UTY: variants seen among roughly 807,000 people sequenced by gnomAD.
The protein encoded by UTY is histone demethylase UTY.
UTY carries 12 observed loss-of-function variants against 32.5 expected under a neutral mutation model. That is an observed-to-expected ratio of 0.37 (90% CI 0.24 to 0.60). UTY has a LOEUF of 0.60. UTY is among the 20% of genes least tolerant of loss of function. The pLI, the probability that UTY is intolerant of heterozygous loss-of-function variation, is 0.69. For synonymous variants in UTY, 131 were observed against 103.4 expected (o/e 1.27, Z -1.62); for missense variants, 303 against 299.2 (o/e 1.01, Z -0.09).
At chrY:13,463,378 C>T in intron 3 of UTY, among the ~76,000 whole-genome samples, 1 of 33,045 alleles carries the variant, frequency 3.0e-5, no homozygotes, top group African/African-American at 1.2e-4. Context: ...TGGGCATATA[C>T]TCAGTAATGG....
At chrY:13,351,573 G>T in intron 17 of UTY, among the ~76,000 whole-genome samples, 1 of 32,667 alleles carries the variant, frequency 3.1e-5, no homozygotes, top group African/African-American at 1.2e-4. Flanking sequence ...TGAATAAAGG[G>T]TAGGTAACGT....
chrY:13,296,449 T>C (rs2058039378), intron 27 of UTY, among the ~76,000 whole-genome samples: 3 of 33,902 alleles, frequency 8.8e-5, no homozygotes, highest in Non-Finnish European at 1.5e-4. Flanking sequence ...ACCAAGTGCT[T>C]GCTCTCAGCA....
intron 27 of UTY, among the ~76,000 whole-genome samples, chrY:13,284,235 TA>T (rs2057211026): frequency 3.0e-5 from 1 of 33,611 alleles, no homozygotes; most frequent in East Asian, 7.6e-4. Flanking sequence ...GCAAGGTGTA[TA>T]AAAAAAGTAA....
chrY:13,341,007 G>A, intron 17 of UTY, among the ~76,000 whole-genome samples: 1 of 32,949 alleles, frequency 3.0e-5, no homozygotes, highest in Non-Finnish European at 7.5e-5. Flanking sequence ...ATGGAATAAA[G>A]GCTGAAGGGG....
chrY:13,260,410 G>T lies in UTY; in HGVS notation c.4011-6C>A. On this transcript the variant is annotated splice_region_variant and splice_polypyrimidine_tract_variant and intron_variant, in intron 27 of 29. Coordinates refer to ENST00000545955, the MANE Select transcript of UTY (RefSeq NM_001258249.2). ...GAATTTTCAAAAGACAATACCTATT[G>T]TGGGAAAAAACTATTTGTGAGAGTA... 2.6e-6 allele frequency: 1 copy of T among 385,941 alleles called. No individual in the cohort carries two copies. Among genetic ancestry groups the T allele is most frequent in the Non-Finnish European group, 3.6e-6 (1 of 274,821 alleles).
chrY:13,267,109 G>A, intron 27 of UTY, among the ~76,000 whole-genome samples: 2 of 32,354 alleles, frequency 6.2e-5, no homozygotes, highest in Admixed American at 2.8e-4. Context: ...GGGTATTAAG[G>A]CCTTCCACTA....
intron 2 of UTY, 195 bp downstream of exon 2, chrY:13,479,059 T>C: frequency 2.2e-5 from 3 of 134,295 alleles, no homozygotes; most frequent in Non-Finnish European, 4.2e-5. Context: ...CGATTTTTTT[T>C]TTCCTCAGAG....
At chrY:13,318,142 A>AAG in intron 21 of UTY, among the ~76,000 whole-genome samples, 1 of 29,804 alleles carries the variant, frequency 3.4e-5, no homozygotes, top group South Asian at 7.5e-4. Flanking sequence ...CCTGGATAGC[A>AAG]GAGTGAAACT....
At chrY:13,386,322 G>C (rs2066753870) in intron 8 of UTY, among the ~76,000 whole-genome samples, 1 of 28,071 alleles carries the variant, frequency 3.6e-5, no homozygotes, top group Admixed American at 3.2e-4. Flanking sequence ...GGATGGTCTC[G>C]ATCTCCTGAC....
chrY:13,401,838 T>G, intron 6 of UTY, among the ~76,000 whole-genome samples: 1 of 32,468 alleles, frequency 3.1e-5, no homozygotes, highest in Non-Finnish European at 7.6e-5. Flanking sequence ...GCCACTGCAC[T>G]CCAGCCAGGG....
At chrY:13,472,852 C>T (rs2078631208) in intron 2 of UTY, among the ~76,000 whole-genome samples, 1 of 33,509 alleles carries the variant, frequency 3.0e-5, no homozygotes, top group Non-Finnish European at 7.4e-5. Flanking sequence ...AGATCAAATC[C>T]AAAAAAAGAA....
At position 13,369,289 on chromosome Y, in the gene UTY, C is replaced by T; in HGVS notation, c.706G>A (p.Ala236Thr). The T allele has an allele frequency of 2.7e-6, 1 of 369,730 alleles. No individual in the cohort carries two copies. Among genetic ancestry groups the T allele is most frequent in the Non-Finnish European group, 3.7e-6 (1 of 267,834 alleles). The allele number at this position is 369,730 out of a possible 400,897, so 92.2% of individuals were successfully genotyped here. The change falls in exon 9 of 30, where the codon GCA (alanine) becomes ACA (threonine). Residue 236 changes from alanine (A) to threonine (T), a missense_variant. Transcript: ENST00000545955. ...TGCAATACAGTTGCTTTTACTTGTG[C>T]AGGAAGGTTTTCTGTCTGCAAAAGT... Reference protein sequence around the residue: ...EQLLQTENLPAQVKATVLQQL... With the variant: ...EQLLQTENLPTQVKATVLQQL...
chrY:13,274,814 T>A (rs2056576774), intron 27 of UTY, among the ~76,000 whole-genome samples: 1 of 30,828 alleles, frequency 3.2e-5, no homozygotes, highest in Non-Finnish European at 7.8e-5. Context: ...AATAAATAAA[T>A]AAAAATAAAA....
chrY:13,283,020 C>T, intron 27 of UTY, among the ~76,000 whole-genome samples: 1 of 34,948 alleles, frequency 2.9e-5, no homozygotes, highest in Admixed American at 2.5e-4. Flanking sequence ...GGAGTCTGGA[C>T]ATCTGAAACT....
rs755613679 is a variant in UTY at position 13,363,060 on chromosome Y, C to T, written c.867-2532G>A. On this transcript the variant is annotated intron_variant, in intron 10 of 29. Transcript: ENST00000545955. ...CTGGGACTACAGGCATGCACCACCACGCCCAGCTAATTTTTGTATTTTTAG... is the reference window on the plus strand; with the variant it reads ...CTGGGACTACAGGCATGCACCACCATGCCCAGCTAATTTTTGTATTTTTAG... Among the ~76,000 whole-genome samples the T allele has an allele frequency of 4.3e-4, 14 of 32,597 alleles. No homozygotes were observed. The East Asian group carries it at 7.2e-3, about 17-fold the overall frequency. 87.5% of individuals were successfully genotyped at this position (32,597 alleles called of 37,273 possible).
chrY:13,438,160 T>C (rs2074828461), intron 4 of UTY, among the ~76,000 whole-genome samples: 1 of 32,185 alleles, frequency 3.1e-5, no homozygotes, highest in Non-Finnish European at 7.5e-5. Flanking sequence ...TATATAAAGC[T>C]ACAAAGGGGG....
intron 4 of UTY, among the ~76,000 whole-genome samples, chrY:13,446,900 G>A: frequency 3.1e-5 from 1 of 32,054 alleles, no homozygotes; most frequent in Non-Finnish European, 7.6e-5. Flanking sequence ...TTAAAATATG[G>A]TAGCACTACA....
intron 3 of UTY, among the ~76,000 whole-genome samples, chrY:13,458,605 G>A: frequency 9.1e-5 from 3 of 32,799 alleles, no homozygotes; most frequent in African/African-American, 3.6e-4. Flanking sequence ...ACTTTTTGAT[G>A]GGGTTGTTTG....
intron 4 of UTY, among the ~76,000 whole-genome samples, chrY:13,441,542 A>T: frequency 3.0e-5 from 1 of 33,638 alleles, no homozygotes; most frequent in South Asian, 6.5e-4. Flanking sequence ...TCGTTGGGGG[A>T]CTACCTATAC....
Sources: gnomAD v4.1 joint callset for allele counts (sites outside exome capture counted in the v4.1 genomes callset) on GRCh38, gnomAD v4.1.1 for gene constraint, MANE v1.5 for transcripts, NCBI Gene and HGNC (gene_info 2026-07-23, HGNC 2026-07-21) for gene names.